ZNF664: variants seen among roughly 807,000 people sequenced by gnomAD.
ZNF664 encodes zinc finger Organ of Corti 1.
Under a neutral mutation model 18.2 loss-of-function variants are expected in ZNF664, and 10 were observed. The observed-to-expected ratio is 0.55, with a 90% confidence interval of 0.34 to 0.93. ZNF664 has a LOEUF of 0.93. ZNF664 is among the 40% of genes least tolerant of loss of function. The pLI, the probability that ZNF664 is intolerant of heterozygous loss-of-function variation, is 0.02. For synonymous variants in ZNF664, 119 were observed against 104.2 expected, an observed-to-expected ratio of 1.14 and a Z score of -0.86; for missense variants, 193 against 319.0, an observed-to-expected ratio of 0.61 and a Z score of 3.01.
rs79980583 is a variant in ZNF664 at position 123,975,421 on chromosome 12, T to TAA, written c.-757+1415_-757+1416dup. 1.6e-3 allele frequency among the ~76,000 whole-genome samples: 223 copies of TAA among 138,682 alleles called. 1 individual carries two copies. The highest frequency in any genetic ancestry group is 5.6e-3 in the African/African-American group (209 of 37,398). 91.0% of individuals were successfully genotyped at this position (138,682 alleles called of 152,430 possible). A position where few individuals can be genotyped will look rare whatever the true frequency, so the allele number is the denominator to read the frequency against. On this transcript the variant is annotated intron_variant, in intron 2 of 4. Coordinates refer to ENST00000337815, the MANE Select transcript of ZNF664 (RefSeq NM_152437.3). The stretch of plus-strand genomic sequence containing the variant: ...AGGGCTTTCTTTTCTTCCTCTTCAT[T>TAA]AAAAAAAAAAAAAAAGAGAGAGAGA...
chr12:123,987,364 A>C (rs1395655012), intron 2 of ZNF664, among the ~76,000 whole-genome samples: 1 of 152,246 alleles, frequency 6.6e-6, no homozygotes. Flanking sequence ...TCTCTGAACA[A>C]TTATAGAATA....
intron 3 of ZNF664, among the ~76,000 whole-genome samples, chr12:123,991,461 G>A (rs140865643): frequency 2.4e-4 from 36 of 152,310 alleles, no homozygotes; most frequent in African/African-American, 6.5e-4. Context: ...ACATCATCAG[G>A]TGTTTGGAAG....
rs553373105 is a variant in ZNF664, at chr12:123,997,160, G to A, written c.-661+9022G>A. ...ACGTGATTAAAGGTGAAATGACTCC[G>A]GGTTTTTAGAGCTAAAAGGGCTTGG... On this transcript the variant is annotated intron_variant, in intron 3 of 4. Transcript: ENST00000337815. Among the ~76,000 whole-genome samples, 22 of 152,268 alleles carry A rather than the reference G, an allele frequency of 1.4e-4. No individual in the cohort carries two copies. The South Asian group carries it at 1.9e-3, about 13-fold the overall frequency.
At chr12:123,995,554 AGAAGGAGAATGGAGGTG>A (rs1208854884) in intron 3 of ZNF664, among the ~76,000 whole-genome samples, 1 of 152,226 alleles carries the variant, frequency 6.6e-6, no homozygotes, top group African/African-American at 2.4e-5. Context: ...CAGGCTTTGG[AGAAGGAGAATGGAGGTG>A]GGCGGAGATG....
chr12:123,993,193 G>A (rs1393765939), intron 3 of ZNF664, among the ~76,000 whole-genome samples: 2 of 152,280 alleles, frequency 1.3e-5, no homozygotes, highest in African/African-American at 2.4e-5. Flanking sequence ...ACCCTACAAG[G>A]TGGAGCTTCA....
chr12:123,982,355 G>A (rs1292035780), intron 2 of ZNF664, among the ~76,000 whole-genome samples: 4 of 152,134 alleles, frequency 2.6e-5, no homozygotes, highest in Non-Finnish European at 5.9e-5. Flanking sequence ...GGAAGTTGGT[G>A]GCAGTCAGTG....
chr12:123,977,650 C>T (rs999918769), intron 2 of ZNF664, among the ~76,000 whole-genome samples: 1 of 152,062 alleles, frequency 6.6e-6, no homozygotes, highest in Non-Finnish European at 1.5e-5. Flanking sequence ...GCTGTGATGT[C>T]TGCATGTTAT....
chr12:123,982,850 C>G (rs1056641561), intron 2 of ZNF664, among the ~76,000 whole-genome samples: 11 of 151,044 alleles, frequency 7.3e-5, no homozygotes, highest in Admixed American at 3.3e-4. Flanking sequence ...TGAAGTCTTT[C>G]AGCCCAGGTT....
intron 3 of ZNF664, among the ~76,000 whole-genome samples, chr12:124,009,244 T>G (rs1259768007): frequency 6.6e-6 from 1 of 152,198 alleles, no homozygotes; most frequent in African/African-American, 2.4e-5. Flanking sequence ...CAAAAGAATA[T>G]GTTCTAGGTA....
chr12:123,994,116 C>T (rs1429946235), intron 3 of ZNF664, among the ~76,000 whole-genome samples: 2 of 152,018 alleles, frequency 1.3e-5, no homozygotes, highest in South Asian at 2.1e-4. Context: ...CTTTGGGGGG[C>T]GTTTTTCTTA....
At chr12:123,997,946 C>G (rs911592881) in intron 3 of ZNF664, 1 of 152,140 alleles carries the variant, frequency 6.6e-6, no homozygotes, top group African/African-American at 2.4e-5. Flanking sequence ...GGAAAAAATA[C>G]GTGTTAAGTG....
intron 3 of ZNF664, among the ~76,000 whole-genome samples, chr12:123,990,561 G>A (rs769907818): frequency 6.6e-5 from 10 of 152,156 alleles, no homozygotes; most frequent in Non-Finnish European, 1.5e-4. Flanking sequence ...CTGGGCCTGA[G>A]CATGAATTTT....
chr12:123,984,563 C>G (rs1044334949), intron 2 of ZNF664, among the ~76,000 whole-genome samples: 2 of 151,706 alleles, frequency 1.3e-5, no homozygotes, highest in African/African-American at 4.8e-5. Context: ...TGTTTAAATG[C>G]TGAAGGGAAG....
intron 3 of ZNF664, among the ~76,000 whole-genome samples, chr12:124,004,014 C>T (rs1957042776): frequency 6.6e-6 from 1 of 152,200 alleles, no homozygotes; most frequent in East Asian, 1.9e-4. Context: ...CTGGTGAGCG[C>T]AGAGAGAAGC....
intron 2 of ZNF664, among the ~76,000 whole-genome samples, chr12:123,985,976 G>GTT (rs71444925): frequency 4.6e-5 from 7 of 151,990 alleles, no homozygotes; most frequent in Middle Eastern, 3.4e-3. Context: ...ATCCAGTAAT[G>GTT]TTTTTTTTCA....
chr12:124,012,780 G>C lies in ZNF664; in HGVS notation c.636G>C (p.Ser212=). 8 of 1,612,600 alleles carry C rather than the reference G, an allele frequency of 5.0e-6. No homozygotes were observed. The highest frequency in any genetic ancestry group is 5.9e-6 in the Non-Finnish European group (7 of 1,179,622). The change falls in exon 5 of 5, where the codon TCG becomes TCC. Residue 212 remains serine, a synonymous_variant. Coordinates refer to ENST00000337815, the MANE Select transcript of ZNF664 (RefSeq NM_152437.3). ...GTGGGAAGGCCTTCAGTCAGAGTTC[G>C]AGCCTGTGCATCCACCAGAGAGTCC... The part of the protein sequence containing the change: ...CGCGKAFSQS[S]SLCIHQRVHT...
At chr12:123,996,485 C>T (rs1956949882) in intron 3 of ZNF664, among the ~76,000 whole-genome samples, 1 of 152,096 alleles carries the variant, frequency 6.6e-6, no homozygotes, top group African/African-American at 2.4e-5. Context: ...GTAAAACAAG[C>T]TCAAATTTAG....
rs766898073 is a variant in ZNF664, at chr12:123,980,764, A to G, written c.-757+6744A>G. Among the ~76,000 whole-genome samples, 4 of 152,244 alleles carry G rather than the reference A, an allele frequency of 2.6e-5. No individual in the cohort carries two copies. In the East Asian group the frequency reaches 7.7e-4, roughly 29 times the overall value. ...ATGGCAAAAATATGTAGAAGAAATT[A>G]GATGGAAATCTTAAGAATTGTGGAA... On this transcript the variant is annotated intron_variant, in intron 2 of 4. Transcript: ENST00000337815.
intron 3 of ZNF664, among the ~76,000 whole-genome samples, chr12:123,996,649 T>C (rs1198902258): frequency 6.6e-6 from 1 of 151,982 alleles, no homozygotes; most frequent in Non-Finnish European, 1.5e-5. Context: ...TGGGGAAAAG[T>C]GTTCATCTGG....
Sources: allele counts gnomAD v4.1 joint callset (sites outside exome capture counted in the v4.1 genomes callset), GRCh38; gene constraint gnomAD v4.1.1; transcripts MANE v1.5; gene names NCBI Gene and HGNC (gene_info 2026-07-23, HGNC 2026-07-21).